Variants in PAX3 observed in about 807,000 individuals in gnomAD.
The protein encoded by PAX3 is paired box protein Pax-3.
In PAX3, 14 loss-of-function variants were observed where a neutral mutation model predicts 51.6. The observed-to-expected ratio is 0.27, with a 90% CI of 0.18 to 0.42. The LOEUF (loss-of-function observed/expected upper bound fraction) is 0.42, where lower values mean the gene tolerates loss of function less well. PAX3 is among the 10% of genes least tolerant of loss of function. The probability of loss-of-function intolerance (pLI) is 1.00; values close to 1 mark genes in which losing one functional copy is unlikely to be tolerated. For missense variants in PAX3, 540 were observed against 642.8 expected, an observed-to-expected ratio of 0.84 and a Z score of 1.73; for synonymous variants, 280 against 253.4, an observed-to-expected ratio of 1.11 and a Z score of -1.00.
chr2:222,291,000 AATTGAGTCGGCTGCAGCCCGGCG>A (rs1296924838), intron 4 of PAX3, among the ~76,000 whole-genome samples: 1 of 151,532 alleles, frequency 6.6e-6, no homozygotes, highest in Non-Finnish European at 1.5e-5. Context: ...TAAAGGAGGC[AATTGAGTCGGCTGCAGCCCGGCG>A]AGCTAAGCTT....
At chr2:222,280,861 C>T (rs1694623726) in intron 4 of PAX3, among the ~76,000 whole-genome samples, 1 of 152,204 alleles carries the variant, frequency 6.6e-6, no homozygotes. Context: ...CCCCTGCACT[C>T]TTAAGCCTGG....
At chr2:222,285,969 G>A (rs62186071) in intron 4 of PAX3, among the ~76,000 whole-genome samples, 76 of 152,124 alleles carry the variant, frequency 5.0e-4, no homozygotes, top group Non-Finnish European at 7.9e-4. Flanking sequence ...ACGGAGTCTC[G>A]CTCTGTCATC....
At chr2:222,252,805 T>A (rs1693487853) in intron 4 of PAX3, among the ~76,000 whole-genome samples, 1 of 152,120 alleles carries the variant, frequency 6.6e-6, no homozygotes, top group African/African-American at 2.4e-5. Context: ...ACCCCAAAAC[T>A]GAGCTATTGC....
chr2:222,283,023 A>G (rs565816412), intron 4 of PAX3, among the ~76,000 whole-genome samples: 2 of 152,346 alleles, frequency 1.3e-5, no homozygotes, highest in East Asian at 3.9e-4. Flanking sequence ...TTTGGTCTCA[A>G]TGCAGAAGCT....
chr2:222,228,326 C>T (rs1692459424), intron 5 of PAX3, among the ~76,000 whole-genome samples: 1 of 152,164 alleles, frequency 6.6e-6, no homozygotes, highest in Non-Finnish European at 1.5e-5. Flanking sequence ...GAAGGCCCTG[C>T]TTCGAAGAGG....
At chr2:222,241,106 T>C (rs1247601851) in intron 4 of PAX3, among the ~76,000 whole-genome samples, 3 of 152,194 alleles carry the variant, frequency 2.0e-5, no homozygotes. Flanking sequence ...AGGCTCCATG[T>C]CTCTAAAAGC....
Position 222,200,379 on chromosome 2 carries a change from G to T in PAX3, c.*1029C>A, listed in dbSNP as rs141726180. On this transcript the variant is annotated 3_prime_UTR_variant, in exon 9 of 9. Coordinates refer to ENST00000392070, the MANE Select transcript of PAX3 (RefSeq NM_181458.4). ...GAATGTAAACGTAATCAGTTTAAAAGCATAATTATCTGATCTGGTCTCTAA... is the reference window on the plus strand; with the variant it reads ...GAATGTAAACGTAATCAGTTTAAAATCATAATTATCTGATCTGGTCTCTAA... 19 of 226,752 alleles carry T rather than the reference G, an allele frequency of 8.4e-5. No individual in the cohort carries two copies. The East Asian group carries it at 1.2e-3, about 14-fold the overall frequency. The allele number at this position is 226,752 out of a possible 1,614,324, so 14.0% of individuals were successfully genotyped here.
At chr2:222,281,969 C>T (rs761705316) in intron 4 of PAX3, among the ~76,000 whole-genome samples, 2 of 152,182 alleles carry the variant, frequency 1.3e-5, no homozygotes, top group Non-Finnish European at 2.9e-5. Context: ...ATCCTCCTGC[C>T]TTACTGGCAC....
intron 5 of PAX3, among the ~76,000 whole-genome samples, chr2:222,223,046 C>A (rs1215799786): frequency 1.3e-5 from 2 of 152,286 alleles, no homozygotes; most frequent in South Asian, 4.1e-4. Context: ...CCTTACAGAG[C>A]AATGTTAACA....
At chr2:222,296,446 T>A (rs906529382) in intron 2 of PAX3, among the ~76,000 whole-genome samples, 1 of 152,180 alleles carries the variant, frequency 6.6e-6, no homozygotes, top group Non-Finnish European at 1.5e-5. Flanking sequence ...CCAAACTGCT[T>A]ATTTTTTTTT....
At chr2:222,223,805 C>G (rs1052355484) in intron 5 of PAX3, among the ~76,000 whole-genome samples, 2 of 152,166 alleles carry the variant, frequency 1.3e-5, no homozygotes, top group African/African-American at 4.8e-5. Flanking sequence ...ACTGGTGAAA[C>G]CCTTTATGAA....
chr2:222,217,159 T>C (rs1186052272), intron 7 of PAX3, among the ~76,000 whole-genome samples: 2 of 152,200 alleles, frequency 1.3e-5, no homozygotes, highest in Admixed American at 6.5e-5. Context: ...GTAGTTGCCT[T>C]GGGGGTTGTT....
chr2:222,295,933 G>T (rs1227760486), intron 2 of PAX3, among the ~76,000 whole-genome samples: 2 of 152,220 alleles, frequency 1.3e-5, no homozygotes, highest in African/African-American at 4.8e-5. Flanking sequence ...ACATCTTGAT[G>T]GGGGTAGGGT....
intron 4 of PAX3, chr2:222,293,883 C>T: frequency 6.2e-7 from 1 of 1,604,472 alleles, no homozygotes; most frequent in Non-Finnish European, 8.5e-7. Context: ...TCCCCTGCCC[C>T]CTACAACAGA....
chr2:222,251,009 CT>C (rs767757911), intron 4 of PAX3, among the ~76,000 whole-genome samples: 2 of 152,240 alleles, frequency 1.3e-5, no homozygotes, highest in Non-Finnish European at 2.9e-5. Flanking sequence ...AACACTTCCA[CT>C]GTCCTCTAGA....
At chr2:222,222,815 C>A (rs1488180382) in intron 5 of PAX3, among the ~76,000 whole-genome samples, 1 of 152,050 alleles carries the variant, frequency 6.6e-6, no homozygotes, top group Non-Finnish European at 1.5e-5. Context: ...GTCAAGGAGA[C>A]CAAAATAATT....
intron 3 of PAX3, among the ~76,000 whole-genome samples, chr2:222,294,779 A>C (rs1695202411): frequency 3.8e-5 from 1 of 26,522 alleles, no homozygotes; most frequent in Non-Finnish European, 7.4e-5. Flanking sequence ...CCCCCCCGTA[A>C]ATCAAGTTTC....
At chr2:222,265,269 G>C (rs995065463) in intron 4 of PAX3, 12 of 152,224 alleles carry the variant, frequency 7.9e-5, no homozygotes, top group Admixed American at 3.9e-4. Flanking sequence ...GCAACGCCTA[G>C]TTTCTCCTGT....
At chr2:222,234,966 C>A (rs570181471) in intron 4 of PAX3, among the ~76,000 whole-genome samples, 2 of 152,290 alleles carry the variant, frequency 1.3e-5, no homozygotes, top group South Asian at 2.1e-4. Context: ...TGACCAAAAA[C>A]TTCCTCTGCC....
Sources: allele counts gnomAD v4.1 joint callset (sites outside exome capture counted in the v4.1 genomes callset), GRCh38; gene constraint gnomAD v4.1.1; transcripts MANE v1.5; gene names NCBI Gene and HGNC (gene_info 2026-07-23, HGNC 2026-07-21).